PARD3B: variants seen among roughly 807,000 people sequenced by gnomAD.
The protein encoded by PARD3B is partitioning defective 3 homolog B.
In PARD3B, 103 loss-of-function variants were observed where a neutral mutation model predicts 130.2. The ratio of observed to expected loss-of-function variants is 0.79; its 90% confidence interval spans 0.67 to 0.93. The LOEUF (loss-of-function observed/expected upper bound fraction) is 0.93. Ranked by LOEUF, PARD3B falls within the 40% of genes least tolerant of loss-of-function variation. The pLI is 0.00. For synonymous variants in PARD3B, 583 were observed against 553.2 expected (o/e 1.05, Z -0.76); for missense variants, 1,609 against 1,499.2 (o/e 1.07, Z -1.21).
chr2:204,709,773 G>A (rs2038348068), intron 2 of PARD3B, among the ~76,000 whole-genome samples: 1 of 152,194 alleles, frequency 6.6e-6, no homozygotes, highest in Admixed American at 6.5e-5. Context: ...ATACTGTGGT[G>A]TTATAGGCTA....
chr2:205,384,174 A>T (rs2045580278), intron 18 of PARD3B, among the ~76,000 whole-genome samples: 1 of 152,108 alleles, frequency 6.6e-6, no homozygotes, highest in South Asian at 2.1e-4. Flanking sequence ...AGAATGGATA[A>T]TTGAAATCTT....
At chr2:204,836,748 A>T (rs1319309516) in intron 2 of PARD3B, among the ~76,000 whole-genome samples, 1 of 152,178 alleles carries the variant, frequency 6.6e-6, no homozygotes, top group African/African-American at 2.4e-5. Context: ...GTGAGTATGT[A>T]TGTGAGTGTG....
chr2:205,308,299 G>A (rs4675511), intron 18 of PARD3B, among the ~76,000 whole-genome samples: 8 of 151,828 alleles, frequency 5.3e-5, no homozygotes, highest in Non-Finnish European at 8.8e-5. Flanking sequence ...TGAGTTCATT[G>A]TGGTGAGATT....
rs138285264 is a variant in PARD3B, at chr2:204,891,166, G to A, written c.223-73986G>A. Among the ~76,000 whole-genome samples, 1,102 of 148,674 alleles carry A rather than the reference G, an allele frequency of 7.4e-3. 11 individuals are homozygous for A. Among genetic ancestry groups the A allele is most frequent in the Admixed American group, 0.031 (459 of 14,938 alleles). On this transcript the variant is annotated intron_variant, in intron 2 of 22. Transcript: ENST00000406610. ...CCCGTGATTCAACTGCACGCTGTGT[G>A]TTTTCTCTTAAGTCCTTTTCTTTTT...
intron 2 of PARD3B, among the ~76,000 whole-genome samples, chr2:204,706,739 A>AT (rs1159868038): frequency 2.6e-5 from 4 of 152,098 alleles, no homozygotes; most frequent in Admixed American, 6.5e-5. Context: ...AGAATTGGAA[A>AT]TTTTTTTGAT....
At chr2:205,270,554 G>A (rs947055799) in intron 16 of PARD3B, among the ~76,000 whole-genome samples, 1 of 151,044 alleles carries the variant, frequency 6.6e-6, no homozygotes, top group African/African-American at 2.4e-5. Flanking sequence ...GTGACAGAGT[G>A]AGACTCCATC....
intron 3 of PARD3B, among the ~76,000 whole-genome samples, chr2:205,041,064 G>T (rs963335806): frequency 6.6e-6 from 1 of 152,168 alleles, no homozygotes; most frequent in African/African-American, 2.4e-5. Flanking sequence ...TTCTGAGAGA[G>T]TATGAAATCC....
chr2:205,277,090 T>A (rs1341185333), intron 16 of PARD3B, among the ~76,000 whole-genome samples: 1 of 152,214 alleles, frequency 6.6e-6, no homozygotes, highest in African/African-American at 2.4e-5. Context: ...GGCAACCTTC[T>A]AGGTTACAGT....
chr2:204,666,220 T>C (rs1342052248), intron 1 of PARD3B, among the ~76,000 whole-genome samples: 4 of 152,148 alleles, frequency 2.6e-5, no homozygotes, highest in Non-Finnish European at 5.9e-5. Context: ...AATGAAATAA[T>C]AGATGTAATC....
intron 11 of PARD3B, among the ~76,000 whole-genome samples, chr2:205,167,984 G>A (rs13400546): frequency 0.28 from 42,245 of 152,152 alleles, 6,783 homozygotes; most frequent in Middle Eastern, 0.47. Flanking sequence ...TCCTCTGTGC[G>A]TCCTACTGTG....
At chr2:204,645,297 A>G (rs962813210) in intron 1 of PARD3B, among the ~76,000 whole-genome samples, 4 of 152,166 alleles carry the variant, frequency 2.6e-5, no homozygotes, top group Non-Finnish European at 5.9e-5. Context: ...AATTTATTAG[A>G]AAAAGAGAAA....
intron 16 of PARD3B, among the ~76,000 whole-genome samples, chr2:205,272,714 A>G (rs1264244242): frequency 6.6e-6 from 1 of 152,192 alleles, no homozygotes; most frequent in African/African-American, 2.4e-5. Flanking sequence ...TCCATGTGCC[A>G]GGCAGGAAGA....
At chr2:204,648,697 A>G (rs1333259319) in intron 1 of PARD3B, among the ~76,000 whole-genome samples, 1 of 92,454 alleles carries the variant, frequency 1.1e-5, no homozygotes, top group Non-Finnish European at 2.0e-5. Context: ...TATTTATAAT[A>G]TATATCATAT....
At chr2:205,036,775 AATAT>A (rs1350602255) in intron 3 of PARD3B, among the ~76,000 whole-genome samples, 1 of 150,824 alleles carries the variant, frequency 6.6e-6, no homozygotes, top group Admixed American at 6.6e-5. Flanking sequence ...ATGTACAAAA[AATAT>A]ATATACACAG....
chr2:204,693,470 C>A (rs1051616518), intron 2 of PARD3B, among the ~76,000 whole-genome samples: 5 of 151,972 alleles, frequency 3.3e-5, no homozygotes, highest in Non-Finnish European at 4.4e-5. Flanking sequence ...TTAGTTTCAT[C>A]ATGGATAAGT....
intron 14 of PARD3B, 22 bp downstream of exon 14, chr2:205,185,885 G>A (rs770528509): frequency 5.5e-5 from 86 of 1,571,352 alleles, no homozygotes; most frequent in South Asian, 7.8e-5. Context: ...ATGATGTATC[G>A]TAAATGCTCC....
intron 2 of PARD3B, among the ~76,000 whole-genome samples, chr2:204,699,748 T>A (rs2037800928): frequency 6.6e-6 from 1 of 152,096 alleles, no homozygotes; most frequent in African/African-American, 2.4e-5. Flanking sequence ...ACTATTTACA[T>A]GACTCTTTCC....
intron 18 of PARD3B, among the ~76,000 whole-genome samples, chr2:205,330,346 A>G (rs1195531352): frequency 6.6e-6 from 1 of 152,164 alleles, no homozygotes; most frequent in Non-Finnish European, 1.5e-5. Flanking sequence ...ACCCCAAAAA[A>G]AAAATTATTA....
intron 16 of PARD3B, among the ~76,000 whole-genome samples, chr2:205,254,540 T>C (rs373644528): frequency 1.3e-5 from 2 of 152,144 alleles, no homozygotes; most frequent in East Asian, 3.8e-4. Context: ...GAATACTGTT[T>C]ATTGGAGGTA....
Sources: gnomAD v4.1 joint callset for allele counts (sites outside exome capture counted in the v4.1 genomes callset) on GRCh38, gnomAD v4.1.1 for gene constraint, MANE v1.5 for transcripts, NCBI Gene and HGNC (gene_info 2026-07-23, HGNC 2026-07-21) for gene names.